KCTD8: variants seen among roughly 807,000 people sequenced by gnomAD.
The protein encoded by KCTD8 is BTB/POZ domain-containing protein KCTD8.
A neutral mutation model predicts 31.5 loss-of-function variants in KCTD8; 27 were observed. The ratio of observed to expected loss-of-function variants is 0.86; its 90% CI spans 0.63 to 1.18. KCTD8 has a LOEUF of 1.18. Ranked by LOEUF, KCTD8 falls within the 50% of genes most tolerant of loss-of-function variation. KCTD8 has a pLI of 0.00. For synonymous variants in KCTD8, 290 were observed against 280.0 expected, an observed-to-expected ratio of 1.04 and a Z score of -0.36; for missense variants, 658 against 647.7, an observed-to-expected ratio of 1.02 and a Z score of -0.17.
chr4:44,335,651 T>C (rs1158368945), intron 1 of KCTD8, among the ~76,000 whole-genome samples: 2 of 152,190 alleles, frequency 1.3e-5, no homozygotes, highest in Non-Finnish European at 2.9e-5. Flanking sequence ...TGTGAATTTG[T>C]AATGCTTTTA....
At chr4:44,295,319 A>C (rs2109388061) in intron 1 of KCTD8, among the ~76,000 whole-genome samples, 1 of 152,116 alleles carries the variant, frequency 6.6e-6, no homozygotes, top group East Asian at 1.9e-4. Context: ...AAAAGACAGA[A>C]AAACTAGACG....
intron 1 of KCTD8, among the ~76,000 whole-genome samples, chr4:44,381,284 GAATT>G (rs755267954): frequency 6.6e-6 from 1 of 151,750 alleles, no homozygotes; most frequent in Non-Finnish European, 1.5e-5. Context: ...AAACCTCCTA[GAATT>G]AATAGATGAA....
chr4:44,408,222 T>G (rs1458946907), intron 1 of KCTD8, among the ~76,000 whole-genome samples: 1 of 152,160 alleles, frequency 6.6e-6, no homozygotes. Flanking sequence ...TGAAATAGTG[T>G]ATAAAAAGTA....
At chr4:44,305,097 T>C (rs920666197) in intron 1 of KCTD8, among the ~76,000 whole-genome samples, 4 of 152,106 alleles carry the variant, frequency 2.6e-5, no homozygotes, top group African/African-American at 9.7e-5. Flanking sequence ...TCACATGCTT[T>C]ATTCAAGTAA....
intron 1 of KCTD8, among the ~76,000 whole-genome samples, chr4:44,362,125 G>A (rs1719513947): frequency 6.6e-6 from 1 of 152,100 alleles, no homozygotes; most frequent in South Asian, 2.1e-4. Context: ...TGAACGTACA[G>A]AAACAGAAAA....
chr4:44,284,917 A>G (rs1717010541), intron 1 of KCTD8, among the ~76,000 whole-genome samples: 2 of 152,226 alleles, frequency 1.3e-5, no homozygotes, highest in Non-Finnish European at 1.5e-5. Flanking sequence ...CAAAACCACA[A>G]TGAGATACCA....
At chr4:44,418,588 A>G (rs549454331) in intron 1 of KCTD8, among the ~76,000 whole-genome samples, 1 of 152,276 alleles carries the variant, frequency 6.6e-6, no homozygotes, top group African/African-American at 2.4e-5. Flanking sequence ...AGTGGATACG[A>G]AAATAGAGAA....
intron 1 of KCTD8, among the ~76,000 whole-genome samples, chr4:44,260,263 A>G (rs1172294269): frequency 1.3e-5 from 2 of 151,878 alleles, no homozygotes; most frequent in Non-Finnish European, 2.9e-5. Flanking sequence ...ATAGGAAAGG[A>G]GGAGGAATAT....
At chr4:44,221,165 T>C (rs1714795277) in intron 1 of KCTD8, among the ~76,000 whole-genome samples, 1 of 152,162 alleles carries the variant, frequency 6.6e-6, no homozygotes, top group Non-Finnish European at 1.5e-5. Context: ...TTAAGTACCT[T>C]CTCTGCTAAA....
intron 1 of KCTD8, among the ~76,000 whole-genome samples, chr4:44,362,036 T>C (rs976713438): frequency 2.6e-5 from 4 of 152,144 alleles, no homozygotes; most frequent in Non-Finnish European, 5.9e-5. Flanking sequence ...TAGTTGGCTT[T>C]AATGGATTGG....
At chr4:44,354,847 C>A (rs1719301523) in intron 1 of KCTD8, among the ~76,000 whole-genome samples, 1 of 152,048 alleles carries the variant, frequency 6.6e-6, no homozygotes, top group Non-Finnish European at 1.5e-5. Flanking sequence ...TAGCAAATAA[C>A]TTGCATACAA....
At chr4:44,335,081 T>TTTTTA (rs1298611295) in intron 1 of KCTD8, among the ~76,000 whole-genome samples, 1 of 152,114 alleles carries the variant, frequency 6.6e-6, no homozygotes, top group African/African-American at 2.4e-5. Flanking sequence ...GTTTTTTAAA[T>TTTTTA]GGTGTAGGTA....
intron 1 of KCTD8, among the ~76,000 whole-genome samples, chr4:44,257,364 C>T (rs765537571): frequency 1.3e-4 from 19 of 151,816 alleles, no homozygotes; most frequent in Non-Finnish European, 2.1e-4. Context: ...ATAAGTTAAT[C>T]GAAAATATTA....
intron 1 of KCTD8, among the ~76,000 whole-genome samples, chr4:44,407,381 CTTTTTTTCTTTTT>C (rs1324167579): frequency 6.7e-6 from 1 of 150,370 alleles, no homozygotes; most frequent in Non-Finnish European, 1.5e-5. Context: ...TTTCTTTTCT[CTTTTTTTCTTTTT>C]TTTTTTTTTG....
At chr4:44,397,528 T>C (rs779154666) in intron 1 of KCTD8, among the ~76,000 whole-genome samples, 3 of 152,078 alleles carry the variant, frequency 2.0e-5, no homozygotes, top group Non-Finnish European at 2.9e-5. Context: ...AATAATTAGA[T>C]TGGTAAATAG....
In KCTD8 at chr4:44,354,251, C is replaced by T. The variant is rs117339919; in HGVS notation, c.961+93312G>A. On this transcript the variant is annotated intron_variant, in intron 1 of 1. Transcript: ENST00000360029. ...GTGTTTATTTGTCTGTGTTTAATTC[C>T]TAAAGTAACAACTTCTTAGCTTGGC... Among the ~76,000 whole-genome samples, 5 of 152,044 alleles carry T rather than the reference C, an allele frequency of 3.3e-5. No homozygotes were observed. In the East Asian group the frequency reaches 9.7e-4, roughly 29 times the overall value.
chr4:44,443,003 C>T (rs950384869), intron 1 of KCTD8, among the ~76,000 whole-genome samples: 6 of 152,118 alleles, frequency 3.9e-5, no homozygotes, highest in East Asian at 1.9e-4. Context: ...AAGTTCAATG[C>T]CATTAAACAA....
chr4:44,406,451 G>A (rs1720798774), intron 1 of KCTD8, among the ~76,000 whole-genome samples: 1 of 152,068 alleles, frequency 6.6e-6, no homozygotes. Context: ...TCATGGTAGT[G>A]AATAAGTCTC....
intron 1 of KCTD8, among the ~76,000 whole-genome samples, chr4:44,304,342 A>G (rs1293864143): frequency 6.6e-6 from 1 of 152,188 alleles, no homozygotes; most frequent in Non-Finnish European, 1.5e-5. Flanking sequence ...CAATAAGGAG[A>G]ATAGTCAGAA....
Sources: gnomAD v4.1 joint callset for allele counts (sites outside exome capture counted in the v4.1 genomes callset) on GRCh38, gnomAD v4.1.1 for gene constraint, MANE v1.5 for transcripts, NCBI Gene and HGNC (gene_info 2026-07-23, HGNC 2026-07-21) for gene names.